The following RTL4 variants were observed in gnomAD, a reference collection of about 807,000 sequenced individuals.
RTL4 encodes retrotransposon Gag like 4.
Under a neutral mutation model 5.3 loss-of-function variants are expected in RTL4, and 4 were observed. The ratio of observed to expected loss-of-function variants is 0.75; its 90% CI spans 0.37 to 1.72. The LOEUF (loss-of-function observed/expected upper bound fraction) is 1.72. RTL4 is among the 40% of genes most tolerant of loss of function. The probability of loss-of-function intolerance (pLI) is 0.04; values close to 1 mark genes in which losing one functional copy is unlikely to be tolerated. For missense variants in RTL4, 260 were observed against 227.1 expected, an observed-to-expected ratio of 1.14 and a Z score of -0.93; for synonymous variants, 98 against 87.3, an observed-to-expected ratio of 1.12 and a Z score of -0.68.
the RTL4 span, among the ~76,000 whole-genome samples, chrX:112,332,557 C>A: frequency 2.6e-4 from 28 of 109,048 alleles, no homozygotes; most frequent in East Asian, 7.9e-3. Context: ...TGGAAACCAT[C>A]ATTCTCAGCA....
the RTL4 span, among the ~76,000 whole-genome samples, chrX:112,420,195 A>G: frequency 9.0e-6 from 1 of 111,620 alleles, no homozygotes; most frequent in Non-Finnish European, 1.9e-5. Context: ...TTTGCCAGTG[A>G]AACAGTTAGT....
chrX:112,162,423 A>G, the RTL4 span, among the ~76,000 whole-genome samples: 1 of 111,716 alleles, frequency 9.0e-6, no homozygotes, highest in African/African-American at 3.3e-5. Flanking sequence ...GCTGTCAGGT[A>G]TTCTTTTCCA....
At chrX:112,262,630 G>A in the RTL4 span, among the ~76,000 whole-genome samples, 1 of 111,944 alleles carries the variant, frequency 8.9e-6, no homozygotes, top group Non-Finnish European at 1.9e-5. Context: ...GTGGAAGACA[G>A]TATGACAATT....
chrX:112,324,710 GA>G, the RTL4 span, among the ~76,000 whole-genome samples: 141 of 111,206 alleles, frequency 1.3e-3, no homozygotes, highest in African/African-American at 4.5e-3. Flanking sequence ...CTCGTGATCA[GA>G]AAATATACTT....
At chrX:112,114,044 A>C in the RTL4 span, among the ~76,000 whole-genome samples, 1 of 111,759 alleles carries the variant, frequency 8.9e-6, no homozygotes, top group South Asian at 3.8e-4. Flanking sequence ...TGATTGGGTA[A>C]TAAACTTATC....
chrX:112,258,622 T>A, the RTL4 span, among the ~76,000 whole-genome samples: 7 of 110,983 alleles, frequency 6.3e-5, no homozygotes, highest in African/African-American at 9.8e-5. Flanking sequence ...ACTCTCTATA[T>A]AAATGGAATT....
exon 1 of RTL4, chrX:112,455,468 C>T: frequency 1.7e-6 from 2 of 1,211,106 alleles, no homozygotes; most frequent in African/African-American, 1.7e-5. Context: ...CTCTTTAGCC[C>T]CACAGATCCA....
At chrX:112,136,885 G>A in the RTL4 span, among the ~76,000 whole-genome samples, 14 of 111,755 alleles carry the variant, frequency 1.3e-4, no homozygotes, top group African/African-American at 4.6e-4. Context: ...GGAACAAAAT[G>A]GAGACCTGAA....
At chrX:112,300,049 A>G in the RTL4 span, among the ~76,000 whole-genome samples, 6 of 111,879 alleles carry the variant, frequency 5.4e-5, no homozygotes, top group Non-Finnish European at 7.5e-5. Flanking sequence ...GTATTTTTGT[A>G]TCTATATATT....
At chrX:112,159,184 T>C in the RTL4 span, among the ~76,000 whole-genome samples, 1 of 112,578 alleles carries the variant, frequency 8.9e-6, no homozygotes, top group Non-Finnish European at 1.9e-5. Flanking sequence ...CTCTGTCACA[T>C]TGATTGCAAT....
At chrX:112,226,074 T>C in the RTL4 span, among the ~76,000 whole-genome samples, 3 of 112,183 alleles carry the variant, frequency 2.7e-5, no homozygotes, top group Non-Finnish European at 5.6e-5. Flanking sequence ...ACCAGCACCC[T>C]GGATGGGCGA....
the RTL4 span, among the ~76,000 whole-genome samples, chrX:112,262,854 C>T: frequency 9.0e-6 from 1 of 110,787 alleles, no homozygotes; most frequent in South Asian, 3.9e-4. Flanking sequence ...CCATGGAATA[C>T]TATGCAGTCA....
chrX:112,411,885 A>G, the RTL4 span, among the ~76,000 whole-genome samples: 2 of 111,148 alleles, frequency 1.8e-5, no homozygotes, highest in African/African-American at 6.5e-5. Flanking sequence ...AATAAAGGAT[A>G]TCTAAATTGG....
At chrX:112,189,774 A>G in the RTL4 span, among the ~76,000 whole-genome samples, 1 of 110,859 alleles carries the variant, frequency 9.0e-6, no homozygotes, top group Admixed American at 9.6e-5. Context: ...CAAAAAAAAA[A>G]AGAAATAGCT....
the RTL4 span, among the ~76,000 whole-genome samples, chrX:112,164,013 G>A: frequency 8.9e-6 from 1 of 111,980 alleles, no homozygotes; most frequent in Non-Finnish European, 1.9e-5. Flanking sequence ...GCCTCCCTTT[G>A]CAACCTCAAC....
At chrX:112,455,235 C>T (rs112035132) in exon 1 of RTL4, 102,302 of 1,208,943 alleles carry the variant, frequency 0.085, 3,292 homozygotes, top group Middle Eastern at 0.11. Flanking sequence ...TCCACCTCCT[C>T]GCTCAAAATC....
At chrX:112,345,141 T>C in the RTL4 span, among the ~76,000 whole-genome samples, 6 of 111,117 alleles carry the variant, frequency 5.4e-5, no homozygotes, top group Admixed American at 9.6e-5. Flanking sequence ...TGCCTGTAGG[T>C]CACCCCCAGC....
the RTL4 span, among the ~76,000 whole-genome samples, chrX:112,326,574 G>T: frequency 1.7e-4 from 19 of 111,932 alleles, no homozygotes; most frequent in African/African-American, 5.5e-4. Context: ...CAGCGAGGCT[G>T]GGGGAGGGGC....
chrX:112,208,755 T>C, the RTL4 span, among the ~76,000 whole-genome samples: 1 of 112,299 alleles, frequency 8.9e-6, no homozygotes, highest in East Asian at 2.8e-4. Context: ...GGTCAGGGAC[T>C]GACCTCAGGA....
Sources: gnomAD v4.1 joint callset for allele counts (sites outside exome capture counted in the v4.1 genomes callset) on GRCh38, gnomAD v4.1.1 for gene constraint, MANE v1.5 for transcripts, NCBI Gene and HGNC (gene_info 2026-07-23, HGNC 2026-07-21) for gene names.